The following GPC6 variants were observed in gnomAD, a reference collection of about 807,000 sequenced individuals.
The protein encoded by GPC6 is glypican 6.
Under a neutral mutation model 55.2 loss-of-function variants are expected in GPC6, and 14 were observed. The observed-to-expected ratio is 0.25, with a 90% CI of 0.17 to 0.40. The LOEUF (loss-of-function observed/expected upper bound fraction) is 0.40. GPC6 is among the 10% of genes least tolerant of loss of function. The probability of loss-of-function intolerance (pLI) is 1.00; values close to 1 mark genes in which losing one functional copy is unlikely to be tolerated. For missense variants in GPC6, 641 were observed against 708.5 expected, an observed-to-expected ratio of 0.90 and a Z score of 1.08; for synonymous variants, 278 against 259.6, an observed-to-expected ratio of 1.07 and a Z score of -0.68.
chr13:94,376,948 G>A (rs1454208097), intron 6 of GPC6, among the ~76,000 whole-genome samples: 1 of 151,840 alleles, frequency 6.6e-6, no homozygotes, highest in African/African-American at 2.4e-5. Context: ...AAGCAATGGG[G>A]AAAGGATTCC....
Position 93,612,941 on chromosome 13 carries a change from G to A in GPC6, c.319+67520G>A, listed in dbSNP as rs1337976789. On this transcript the variant is annotated intron_variant, in intron 2 of 8. Coordinates refer to ENST00000377047, the MANE Select transcript of GPC6 (RefSeq NM_005708.5). Reference sequence around the variant, plus strand: ...AGGGAAACTGCTCCTAGATACCAGGGTCTGTACAGACCTTTAAATGACTGT... The same window carrying A: ...AGGGAAACTGCTCCTAGATACCAGGATCTGTACAGACCTTTAAATGACTGT... Among the ~76,000 whole-genome samples, 5 of 152,114 alleles carry A rather than the reference G, an allele frequency of 3.3e-5. No individual in the cohort carries two copies. The East Asian group carries it at 9.6e-4, about 29-fold the overall frequency.
chr13:93,917,697 G>A (rs1437213639), intron 3 of GPC6, among the ~76,000 whole-genome samples: 1 of 152,176 alleles, frequency 6.6e-6, no homozygotes, highest in South Asian at 2.1e-4. Flanking sequence ...ATGGTTATGA[G>A]CCTGGCTTTG....
intron 1 of GPC6, among the ~76,000 whole-genome samples, chr13:93,463,786 C>T (rs566773737): frequency 2.0e-5 from 3 of 150,784 alleles, no homozygotes; most frequent in South Asian, 2.1e-4. Flanking sequence ...AGTTTTCTAT[C>T]TATCCTCAAG....
At chr13:94,181,164 C>G (rs550485546) in intron 4 of GPC6, among the ~76,000 whole-genome samples, 1 of 152,294 alleles carries the variant, frequency 6.6e-6, no homozygotes, top group East Asian at 1.9e-4. Context: ...CTCTTACTAG[C>G]ATGCAGGGGT....
intron 4 of GPC6, among the ~76,000 whole-genome samples, chr13:94,049,478 G>T (rs1307459034): frequency 6.6e-6 from 1 of 152,092 alleles, no homozygotes. Flanking sequence ...GAGCAAATAA[G>T]ACTGTGAAAT....
intron 4 of GPC6, among the ~76,000 whole-genome samples, chr13:94,083,859 A>T (rs1885192325): frequency 6.6e-6 from 1 of 152,238 alleles, no homozygotes. Context: ...CCCAGATATG[A>T]ATGTCTTTCT....
At chr13:93,270,478 T>C (rs1410772218) in intron 1 of GPC6, among the ~76,000 whole-genome samples, 1 of 152,070 alleles carries the variant, frequency 6.6e-6, no homozygotes, top group Non-Finnish European at 1.5e-5. Flanking sequence ...TTTACTCCAC[T>C]TAACAGAGAA....
intron 1 of GPC6, among the ~76,000 whole-genome samples, chr13:93,382,492 A>C (rs1875222088): frequency 6.6e-6 from 1 of 152,150 alleles, no homozygotes; most frequent in Non-Finnish European, 1.5e-5. Flanking sequence ...GGATAGTTTA[A>C]GATTTATATT....
chr13:93,442,129 G>A (rs1049977809), intron 1 of GPC6, among the ~76,000 whole-genome samples: 1 of 152,300 alleles, frequency 6.6e-6, no homozygotes, highest in Non-Finnish European at 1.5e-5. Flanking sequence ...AAAGGGAAAG[G>A]TTAATGGAGG....
intron 2 of GPC6, among the ~76,000 whole-genome samples, chr13:93,782,178 G>A (rs1885672924): frequency 6.6e-6 from 1 of 152,048 alleles, no homozygotes. Context: ...GAGATCACGT[G>A]ATTTTTATCA....
At chr13:93,378,384 G>T (rs1396998190) in intron 1 of GPC6, among the ~76,000 whole-genome samples, 2 of 152,218 alleles carry the variant, frequency 1.3e-5, no homozygotes, top group South Asian at 2.1e-4. Context: ...TCTTCCTCCA[G>T]CACTGGTTGG....
intron 4 of GPC6, among the ~76,000 whole-genome samples, chr13:94,145,181 T>C (rs1303959401): frequency 7.0e-6 from 1 of 142,208 alleles, no homozygotes; most frequent in African/African-American, 2.7e-5. Context: ...GGACGGATGA[T>C]GAATGGATGG....
At chr13:94,139,458 A>G (rs1887296986) in intron 4 of GPC6, among the ~76,000 whole-genome samples, 2 of 152,180 alleles carry the variant, frequency 1.3e-5, no homozygotes, top group African/African-American at 4.8e-5. Context: ...AAATATCTCC[A>G]GATTGGGGCT....
chr13:93,770,443 C>T lies in GPC6; in HGVS notation c.320-59711C>T, dbSNP rs1482240914. Among the ~76,000 whole-genome samples the T allele has an allele frequency of 4.4e-4, 67 of 152,078 alleles. 3 individuals carry two copies. Among genetic ancestry groups the T allele is most frequent in the Admixed American group, 4.3e-3 (66 of 15,254 alleles). ...GAAGTTTCTCACTGGTCTCCTAAGCCGGCAGTGGTCTGAGGCATGCCACCA... is the reference window on the plus strand; with the variant it reads ...GAAGTTTCTCACTGGTCTCCTAAGCTGGCAGTGGTCTGAGGCATGCCACCA... On this transcript the variant is annotated intron_variant, in intron 2 of 8. Coordinates refer to ENST00000377047, the MANE Select transcript of GPC6 (RefSeq NM_005708.5).
intron 4 of GPC6, among the ~76,000 whole-genome samples, chr13:94,165,056 A>G (rs1888307921): frequency 1.3e-5 from 2 of 151,886 alleles, no homozygotes; most frequent in Non-Finnish European, 2.9e-5. Context: ...GTATCTTCCC[A>G]GAGGAAAAAA....
chr13:94,390,585 C>G (rs1039303338), intron 7 of GPC6, among the ~76,000 whole-genome samples: 1 of 152,098 alleles, frequency 6.6e-6, no homozygotes, highest in Admixed American at 6.6e-5. Context: ...AAACAACCAG[C>G]TCTCGAGAGA....
chr13:93,866,743 A>G (rs1888977652), intron 3 of GPC6, among the ~76,000 whole-genome samples: 1 of 151,648 alleles, frequency 6.6e-6, no homozygotes, highest in Admixed American at 6.6e-5. Context: ...GAGTAGGGAG[A>G]AAATCAGGAA....
chr13:93,726,151 C>CACACACACACACACAT (rs1883632022), intron 2 of GPC6, among the ~76,000 whole-genome samples: 1 of 135,694 alleles, frequency 7.4e-6, no homozygotes, highest in African/African-American at 2.7e-5. Flanking sequence ...CACACACACA[C>CACACACACACACACAT]ATATCAAGCA....
intron 6 of GPC6, among the ~76,000 whole-genome samples, chr13:94,365,207 T>C (rs1879236319): frequency 6.6e-6 from 1 of 152,196 alleles, no homozygotes; most frequent in Non-Finnish European, 1.5e-5. Context: ...GAGGTCCTAG[T>C]TGAAACCCAT....
Sources: allele counts gnomAD v4.1 joint callset (sites outside exome capture counted in the v4.1 genomes callset), GRCh38; gene constraint gnomAD v4.1.1; transcripts MANE v1.5; gene names NCBI Gene and HGNC (gene_info 2026-07-23, HGNC 2026-07-21).